DMBT1: variants seen among roughly 807,000 people sequenced by gnomAD.
DMBT1 encodes deleted in malignant brain tumors 1, also known as scavenger receptor cysteine-rich domain-containing protein DMBT1.
A neutral mutation model predicts 252.9 loss-of-function variants in DMBT1; 198 were observed. That is an observed-to-expected ratio of 0.78 (90% confidence interval 0.70 to 0.88). The LOEUF is 0.88. Ranked by LOEUF, DMBT1 falls within the 40% of genes least tolerant of loss-of-function variation. The pLI is 0.00. For missense variants in DMBT1, 2,432 were observed against 2,404.7 expected, an observed-to-expected ratio of 1.01 and a Z score of -0.24; for synonymous variants, 990 against 942.7, an observed-to-expected ratio of 1.05 and a Z score of -0.92.
chr10:122,621,077 C>T lies in DMBT1; in HGVS notation c.5305C>T (p.Leu1769=), dbSNP rs910019855. The T allele has an allele frequency of 6.2e-7, 1 of 1,613,242 alleles. No homozygotes were observed. The highest frequency in any genetic ancestry group is 1.3e-5 in the African/African-American group (1 of 74,906). Residue 1769 remains leucine, a synonymous_variant, in exon 44 of 56, where the codon CTG becomes TTG. Transcript: ENST00000338354. The part of the protein sequence containing the change: ...LTVGSESSLA[L]RLVNGGDRCR... ...TGTAGGATCTGAATCCAGTTTGGCTCTGAGGCTGGTGAATGGAGGTGACAG... is the reference window on the plus strand; with the variant it reads ...TGTAGGATCTGAATCCAGTTTGGCTTTGAGGCTGGTGAATGGAGGTGACAG...
rs371614758 is a variant in DMBT1, at chr10:122,571,073, CCTTGCT to C, written c.187+139_187+144del. 2.2e-4 allele frequency: 244 copies of C among 1,095,444 alleles called. No individual in the cohort carries two copies. The African/African-American group carries it at 3.0e-3, about 14-fold the overall frequency. 67.9% of individuals were successfully genotyped at this position (1,095,444 alleles called of 1,614,324 possible). On this transcript the variant is annotated intron_variant, in intron 4 of 55. Coordinates refer to ENST00000338354, the MANE Select transcript of DMBT1 (RefSeq NM_001377530.1). Reference sequence around the variant, plus strand: ...ATGTTCTCAGGTAGTGTGGATATCACCTTGCTCTGTGTATGTGCAACTCAGAGTCAA... The same window carrying C: ...ATGTTCTCAGGTAGTGTGGATATCACCTGTGTATGTGCAACTCAGAGTCAA...
intron 53 of DMBT1, 105 bp from the exon 54 acceptor site, chr10:122,637,023 G>C (rs1311365249): frequency 9.2e-7 from 1 of 1,092,246 alleles, no homozygotes; most frequent in Non-Finnish European, 1.3e-6. Flanking sequence ...CTCCCTGTCA[G>C]CCACCCTGGT....
In DMBT1 at chr10:122,578,861, G is replaced by C. The variant is rs532304246; in HGVS notation, c.679+102G>C. 17 of 1,244,740 alleles carry C rather than the reference G, an allele frequency of 1.4e-5. No homozygotes were observed. The East Asian group carries it at 4.0e-4, about 30-fold the overall frequency. The allele number at this position is 1,244,740 out of a possible 1,614,324, so 77.1% of individuals were successfully genotyped here. On this transcript the variant is annotated intron_variant, in intron 9 of 55. Transcript: ENST00000338354. Reference sequence around the variant, plus strand: ...GATTGCCATAAAGAGAGGTGGGGAAGTGGGCTAAGCGTGGGAGGGTGGCAG... The same window carrying C: ...GATTGCCATAAAGAGAGGTGGGGAACTGGGCTAAGCGTGGGAGGGTGGCAG...
chr10:122,638,273 G>A (rs921974127), intron 54 of DMBT1, among the ~76,000 whole-genome samples: 5 of 148,168 alleles, frequency 3.4e-5, no homozygotes, highest in African/African-American at 1.0e-4. Flanking sequence ...GAGCGGCCCC[G>A]CTGAGGGCCC....
At chr10:122,568,662 C>G (rs1324125766) in intron 2 of DMBT1, among the ~76,000 whole-genome samples, 2 of 152,300 alleles carry the variant, frequency 1.3e-5, no homozygotes, top group East Asian at 3.9e-4. Context: ...TGTACCAAGG[C>G]TAATGGGGCA....
rs561526023 is a variant in DMBT1 at position 122,589,081 on chromosome 10, A to C, written c.1921A>C (p.Arg641=). The change falls in exon 17 of 56, where the codon AGG becomes CGG. Residue 641 remains arginine, a synonymous_variant. Transcript: ENST00000338354. ...WDTNDANVVC[R]QLGCGWATSA... is the part of the protein sequence containing the mutation. ...CACCAATGATGCCAATGTGGTCTGCAGGCAGCTGGGCTGTGGCTGGGCCAC... is the reference window on the plus strand; with the variant it reads ...CACCAATGATGCCAATGTGGTCTGCCGGCAGCTGGGCTGTGGCTGGGCCAC... 32 of 1,588,810 alleles carry C rather than the reference A, an allele frequency of 2.0e-5. 4 individuals are homozygous for C. The highest frequency in any genetic ancestry group is 3.5e-5 in the South Asian group (3 of 86,936).
chr10:122,639,986 T>C (rs960852932), intron 54 of DMBT1, 54 bp from the exon 55 acceptor site: 6 of 1,563,220 alleles, frequency 3.8e-6, no homozygotes, highest in Non-Finnish European at 5.2e-6. Flanking sequence ...AGCTATGGGA[T>C]TCCCTTAGCA....
rs149693800 is a variant in DMBT1 at position 122,591,512 on chromosome 10, C to T, written c.2171C>T (p.Thr724Ile). The T allele has an allele frequency of 1.9e-6, 3 of 1,586,364 alleles. 1 individual carries two copies. Among genetic ancestry groups the T allele is most frequent in the Non-Finnish European group, 2.6e-6 (3 of 1,163,984 alleles). The stretch of plus-strand genomic sequence containing the variant: ...TCGACCATCACGTTACCTCCATCGA[C>T]AGTAGGTAAATAATCCTCTCACCCC... The part of the protein sequence containing the change: ...TLSTITLPPS[T>I]VGSESSLTLR... The change falls in exon 19 of 56, where the codon ACA becomes ATA. Residue 724 changes from threonine to isoleucine, a missense_variant. By Grantham distance (89) the Thr-to-Ile change is moderately conservative. Transcript: ENST00000338354.
At chr10:122,573,235 C>T (rs2133532151) in intron 5 of DMBT1, among the ~76,000 whole-genome samples, 1 of 152,320 alleles carries the variant, frequency 6.6e-6, no homozygotes, top group Admixed American at 6.5e-5. Flanking sequence ...CCCAAGGGGG[C>T]ATCGTCCTCC....
At chr10:122,591,707 G>A (rs1321658998) in intron 19 of DMBT1, among the ~76,000 whole-genome samples, 190 bp downstream of exon 19, 1 of 148,610 alleles carries the variant, frequency 6.7e-6, no homozygotes, top group Non-Finnish European at 1.5e-5. Flanking sequence ...GGGTGTTGGT[G>A]ACCTATCTCC....
intron 5 of DMBT1, 22 bp from the exon 6 acceptor site, chr10:122,573,693 T>G (rs1326845709): frequency 3.1e-6 from 5 of 1,613,782 alleles, no homozygotes; most frequent in Non-Finnish European, 8.5e-7. Flanking sequence ...ATCAATGAGC[T>G]CTTCCTTTCT....
intron 9 of DMBT1, 96 bp from the exon 10 acceptor site, chr10:122,579,482 A>T: frequency 6.3e-7 from 1 of 1,591,640 alleles, no homozygotes; most frequent in Non-Finnish European, 8.6e-7. Context: ...TGCCTAGGTG[A>T]CTTAGTTCAT....
chr10:122,570,058 T>C, intron 2 of DMBT1, 104 bp from the exon 3 acceptor site: 1 of 1,069,138 alleles, frequency 9.4e-7, no homozygotes, highest in Non-Finnish European at 1.5e-6. Context: ...AGGGTGCCCT[T>C]AGGCCCTGGC....
At chr10:122,576,043 G>A (rs1339303008) in intron 6 of DMBT1, among the ~76,000 whole-genome samples, 3 of 152,206 alleles carry the variant, frequency 2.0e-5, no homozygotes, top group Non-Finnish European at 4.4e-5. Context: ...ACATCTTGAT[G>A]TTATCGTGCT....
intron 2 of DMBT1, 149 bp downstream of exon 2, chr10:122,566,145 C>G (rs3019517): frequency 0.7 from 541,359 of 775,762 alleles, 191,120 homozygotes; most frequent in East Asian, 0.8. Context: ...AGGAGACGTG[C>G]GTGCCAAGAC....
Position 122,589,200 on chromosome 10 carries a change from C to A in DMBT1, c.2040C>A (p.Ser680Arg), listed in dbSNP as rs746269039. 6.3e-7 allele frequency: 1 copy of A among 1,588,416 alleles called. No homozygotes were observed. The change falls in exon 17 of 56, where the codon AGC (serine) becomes AGA (arginine). Residue 680 changes from serine (S) to arginine (R), a missense_variant. Coordinates refer to ENST00000338354, the MANE Select transcript of DMBT1 (RefSeq NM_001377530.1). ...RCSGHESYLW[S>R]CPNNGWLSHN... is the part of the protein sequence containing the mutation. ...CAGGACATGAGTCCTACCTGTGGAGCTGCCCCAACAATGGCTGGCTCTCCC... is the reference window on the plus strand; with the variant it reads ...CAGGACATGAGTCCTACCTGTGGAGATGCCCCAACAATGGCTGGCTCTCCC...
Position 122,586,156 on chromosome 10 carries a change from G to A in DMBT1, c.1556G>A (p.Cys519Tyr), listed in dbSNP as rs780706822. The A allele has an allele frequency of 6.3e-7, 1 of 1,589,348 alleles. No homozygotes were observed. Among genetic ancestry groups the A allele is most frequent in the Admixed American group, 1.7e-5 (1 of 59,618 alleles). Residue 519 changes from cysteine to tyrosine, a missense_variant, in exon 16 of 56, where the codon TGT becomes TAT. Cys to Tyr is a radical substitution (Grantham distance 194). Around this residue, in one of 3 missense-constraint regions of DMBT1, gnomAD observed 1,264 missense variants for 1,082.2 expected, o/e 1.17. Coordinates refer to ENST00000338354, the MANE Select transcript of DMBT1 (RefSeq NM_001377530.1). The stretch of plus-strand genomic sequence containing the variant: ...TACCGAGGCTCCTGGGGCACCGTGT[G>A]TGATGACAGCTGGGACACCAATGAT... ...VLYRGSWGTV[C>Y]DDSWDTNDAN... is the part of the protein sequence containing the mutation.
chr10:122,640,181 A>T lies in DMBT1; in HGVS notation c.7084A>T (p.Asn2362Tyr). Residue 2362 changes from asparagine (N) to tyrosine (Y), a missense_variant, in exon 55 of 56, where the codon AAT (asparagine) becomes TAT (tyrosine). This residue lies in a region of DMBT1 where 1,162 missense variants were observed against 1,169.0 expected (regional missense o/e 0.99). Transcript: ENST00000338354. ...NTWVDTMYIANDTIHVANNTI... is the reference protein window; with the variant it reads ...NTWVDTMYIAYDTIHVANNTI... Reference sequence around the variant, plus strand: ...CTGGGTCGACACCATGTACATTGCTAATGACACCATCCACGTTGCTAATAA... The same window carrying T: ...CTGGGTCGACACCATGTACATTGCTTATGACACCATCCACGTTGCTAATAA... The T allele has an allele frequency of 6.2e-7, 1 of 1,614,046 alleles. No homozygotes were observed. Among genetic ancestry groups the T allele is most frequent in the Non-Finnish European group, 8.5e-7 (1 of 1,179,896 alleles).
Position 122,579,640 on chromosome 10 carries a change from G to A in DMBT1, c.742G>A (p.Glu248Lys). The change falls in exon 10 of 56, where the codon GAG becomes AAG. Residue 248 changes from glutamate (E) to lysine (K), a missense_variant. Physicochemically the swap from Glu to Lys is moderately conservative, Grantham distance 56. Coordinates refer to ENST00000338354, the MANE Select transcript of DMBT1 (RefSeq NM_001377530.1). The stretch of plus-strand genomic sequence containing the variant: ...AGGCGACAGGTGTCGAGGCCGAGTG[G>A]AGGTCCTATACCGAGGCTCCTGGGG... ...NGGDRCRGRV[E>K]VLYRGSWGTV... is the part of the protein sequence containing the mutation. 1 of 1,613,746 alleles carries A rather than the reference G, an allele frequency of 6.2e-7. No individual in the cohort carries two copies. The highest frequency in any genetic ancestry group is 1.1e-5 in the South Asian group (1 of 91,066).
Sources: allele counts gnomAD v4.1 joint callset (sites outside exome capture counted in the v4.1 genomes callset), GRCh38; gene constraint gnomAD v4.1.1; regional missense constraint gnomAD v4.1.1; transcripts MANE v1.5; gene names NCBI Gene and HGNC (gene_info 2026-07-23, HGNC 2026-07-21).